The following SPAG16 variants were observed in gnomAD, a reference collection of about 807,000 sequenced individuals.
SPAG16 encodes the protein sperm associated antigen 16.
In SPAG16, 86 loss-of-function variants were observed where a neutral mutation model predicts 80.4. That is an observed-to-expected ratio of 1.07 (90% CI 0.90 to 1.28). SPAG16 has a LOEUF of 1.28. SPAG16 is among the 50% of genes most tolerant of loss of function. SPAG16 has a pLI of 0.00. For synonymous variants in SPAG16, 294 were observed against 265.9 expected (o/e 1.11, Z -1.03); for missense variants, 870 against 765.3 (o/e 1.14, Z -1.61).
At chr2:214,200,373 T>C (rs2057976000) in intron 15 of SPAG16, among the ~76,000 whole-genome samples, 1 of 152,222 alleles carries the variant, frequency 6.6e-6, no homozygotes, top group African/African-American at 2.4e-5. Context: ...ATTCTGTTCA[T>C]GTGATGTATC....
chr2:213,626,822 A>G (rs1027553540), intron 10 of SPAG16, among the ~76,000 whole-genome samples: 1 of 151,788 alleles, frequency 6.6e-6, no homozygotes, highest in Admixed American at 6.6e-5. Flanking sequence ...TACTTTTTGT[A>G]ATTTTAATAG....
chr2:213,668,773 T>C (rs1380838725), intron 10 of SPAG16, among the ~76,000 whole-genome samples: 3 of 152,072 alleles, frequency 2.0e-5, no homozygotes, highest in East Asian at 3.9e-4. Flanking sequence ...CTGAACCTCC[T>C]GAGTAGCTGG....
rs1005939086 is a variant in SPAG16, at chr2:214,410,416, A to G, written c.*101A>G. 9.9e-5 allele frequency: 111 copies of G among 1,121,696 alleles called. No individual in the cohort carries two copies. In the African/African-American group the frequency reaches 1.6e-3, roughly 16 times the overall value. The allele number at this position is 1,121,696 out of a possible 1,614,324, so 69.5% of individuals were successfully genotyped here. ...GAACTGGTTAAATGTGCCAGCAGGT[A>G]ACATTTACAGTCTGCTTTAAAACAT... is the stretch of plus-strand genomic sequence containing the variant. On this transcript the variant is annotated 3_prime_UTR_variant, in exon 16 of 16. Transcript: ENST00000331683.
intron 13 of SPAG16, among the ~76,000 whole-genome samples, chr2:214,028,838 T>A (rs556080508): frequency 6.6e-6 from 1 of 152,226 alleles, no homozygotes; most frequent in African/African-American, 2.4e-5. Flanking sequence ...CATTCAATAC[T>A]ATATTTGGCC....
At chr2:213,407,523 C>T (rs1186961835) in intron 9 of SPAG16, among the ~76,000 whole-genome samples, 1 of 151,880 alleles carries the variant, frequency 6.6e-6, no homozygotes, top group Non-Finnish European at 1.5e-5. Context: ...CGTTCAACCC[C>T]TTTCCTTTCT....
chr2:214,332,666 A>G (rs923628743), intron 15 of SPAG16, among the ~76,000 whole-genome samples: 3 of 152,156 alleles, frequency 2.0e-5, no homozygotes, highest in Non-Finnish European at 2.9e-5. Context: ...TATCTGTCTC[A>G]TTTTTGAAGT....
chr2:214,138,409 C>T (rs193069788), intron 14 of SPAG16, among the ~76,000 whole-genome samples: 14 of 152,178 alleles, frequency 9.2e-5, no homozygotes, highest in Admixed American at 9.2e-4. Context: ...TGGGAAAGCA[C>T]CCCTTGCAAA....
chr2:214,344,584 T>C (rs1576833998), intron 15 of SPAG16, among the ~76,000 whole-genome samples: 1 of 152,138 alleles, frequency 6.6e-6, no homozygotes, highest in South Asian at 2.1e-4. Context: ...AAAATCAGGG[T>C]CAAACTTGGA....
intron 12 of SPAG16, among the ~76,000 whole-genome samples, chr2:214,011,105 TATA>T (rs1174047129): frequency 7.3e-6 from 1 of 137,736 alleles, no homozygotes; most frequent in Non-Finnish European, 1.5e-5. Context: ...ACCATTTTAA[TATA>T]ATAGGAATAA....
At chr2:213,344,364 T>G (rs964163003) in intron 6 of SPAG16, among the ~76,000 whole-genome samples, 1 of 152,116 alleles carries the variant, frequency 6.6e-6, no homozygotes, top group Non-Finnish European at 1.5e-5. Flanking sequence ...TGAATCAACC[T>G]TATTCACTGG....
At chr2:213,705,544 A>G (rs1022336331) in intron 10 of SPAG16, among the ~76,000 whole-genome samples, 2 of 152,162 alleles carry the variant, frequency 1.3e-5, no homozygotes, top group Non-Finnish European at 1.5e-5. Flanking sequence ...GAATAAATAT[A>G]GTGAAAAACT....
chr2:214,243,323 C>T (rs1216248817), intron 15 of SPAG16, among the ~76,000 whole-genome samples: 1 of 152,074 alleles, frequency 6.6e-6, no homozygotes, highest in Non-Finnish European at 1.5e-5. Context: ...AGAAAACAAA[C>T]TTGATTATAA....
Position 214,108,439 on chromosome 2 carries a change from TCACA to T in SPAG16, c.1593+216_1593+219del, listed in dbSNP as rs71037342. 4.5e-3 allele frequency among the ~76,000 whole-genome samples: 569 copies of T among 125,114 alleles called. 2 individuals are homozygous for T. The highest frequency in any genetic ancestry group is 0.015 in the Middle Eastern group (4 of 264). The allele number at this position is 125,114 out of a possible 152,430, so 82.1% of individuals were successfully genotyped here. On this transcript the variant is annotated intron_variant, in intron 14 of 15. Coordinates refer to ENST00000331683, the MANE Select transcript of SPAG16 (RefSeq NM_024532.5). ...ATATAGGGTTGCAGAATTTTAAAAT[TCACA>T]CACACACACACACACACACACACAC...
At chr2:213,466,326 A>ATC in intron 9 of SPAG16, among the ~76,000 whole-genome samples, 1 of 152,272 alleles carries the variant, frequency 6.6e-6, no homozygotes, top group Non-Finnish European at 1.5e-5. Context: ...AAGATTTAAC[A>ATC]TCTTCCCTAT....
chr2:213,320,409 T>G (rs2063567028), intron 5 of SPAG16, among the ~76,000 whole-genome samples: 1 of 151,990 alleles, frequency 6.6e-6, no homozygotes, highest in Admixed American at 6.6e-5. Context: ...TTTGTGTGTG[T>G]TGGGAACATT....
At chr2:213,564,378 C>A (rs893384700) in intron 10 of SPAG16, among the ~76,000 whole-genome samples, 1 of 151,534 alleles carries the variant, frequency 6.6e-6, no homozygotes, top group Non-Finnish European at 1.5e-5. Context: ...GCCTGTAATC[C>A]CAGCTACTCG....
intron 10 of SPAG16, among the ~76,000 whole-genome samples, chr2:213,600,665 A>G (rs995098671): frequency 6.6e-6 from 1 of 152,224 alleles, no homozygotes; most frequent in Non-Finnish European, 1.5e-5. Flanking sequence ...ATTAGTTTGT[A>G]GAAGTGTGAA....
chr2:214,306,833 T>C lies in SPAG16; in HGVS notation c.1721-103307T>C, dbSNP rs145340025. Among the ~76,000 whole-genome samples, 273 of 152,242 alleles carry C rather than the reference T, an allele frequency of 1.8e-3. 2 individuals carry two copies. Among genetic ancestry groups the C allele is most frequent in the African/African-American group, 5.9e-3 (247 of 41,558 alleles). ...GGATATTGGCCTGAAGTTTTGTTTT[T>C]TGTTTTGTTTTGTTTTTGTTATTGT... On this transcript the variant is annotated intron_variant, in intron 15 of 15. Coordinates refer to ENST00000331683, the MANE Select transcript of SPAG16 (RefSeq NM_024532.5).
At chr2:213,957,232 C>A (rs1241154532) in intron 12 of SPAG16, among the ~76,000 whole-genome samples, 1 of 152,086 alleles carries the variant, frequency 6.6e-6, no homozygotes, top group Non-Finnish European at 1.5e-5. Context: ...AAGTCTCCAA[C>A]TATTACAGAA....
Sources: allele counts gnomAD v4.1 joint callset (sites outside exome capture counted in the v4.1 genomes callset), GRCh38; gene constraint gnomAD v4.1.1; transcripts MANE v1.5; gene names NCBI Gene and HGNC (gene_info 2026-07-23, HGNC 2026-07-21).